The following CD247 variants were observed in gnomAD, a reference collection of about 807,000 sequenced individuals.
CD247 encodes the protein CD247 molecule.
A neutral mutation model predicts 30.0 loss-of-function variants in CD247; 13 were observed. The observed-to-expected ratio is 0.43, with a 90% confidence interval of 0.28 to 0.69. CD247 has a LOEUF of 0.69. CD247 is among the 30% of genes least tolerant of loss of function. The pLI is 0.16. For synonymous variants in CD247, 72 were observed against 80.0 expected, an observed-to-expected ratio of 0.90 and a Z score of 0.53; for missense variants, 193 against 212.6, an observed-to-expected ratio of 0.91 and a Z score of 0.57.
Position 167,438,746 on chromosome 1 carries a change from G to T in CD247, c.220-96C>A. On this transcript the variant is annotated intron_variant, in intron 3 of 7. Coordinates refer to ENST00000362089, the MANE Select transcript of CD247 (RefSeq NM_198053.3). ...GAGTGTGGTTTCCCTCTCTGGGGTGGCTCATAAAAAGAGGGGCAGGGGCTG... is the reference window on the plus strand; with the variant it reads ...GAGTGTGGTTTCCCTCTCTGGGGTGTCTCATAAAAAGAGGGGCAGGGGCTG... The T allele has an allele frequency of 1.3e-5, 13 of 987,898 alleles. No homozygotes were observed. In the South Asian group the frequency reaches 1.5e-4, roughly 12 times the overall value. The allele number at this position is 987,898 out of a possible 1,614,324, so 61.2% of individuals were successfully genotyped here.
chr1:167,472,065 C>T (rs1483503341), intron 1 of CD247, among the ~76,000 whole-genome samples: 3 of 151,984 alleles, frequency 2.0e-5, no homozygotes, highest in Admixed American at 1.3e-4. Flanking sequence ...AACTCCTGAC[C>T]TCAGGTGATC....
intron 7 of CD247, among the ~76,000 whole-genome samples, chr1:167,432,217 G>A (rs1328810251): frequency 6.6e-6 from 1 of 152,216 alleles, no homozygotes; most frequent in East Asian, 1.9e-4. Context: ...AGCCCTCTGT[G>A]AGCCTCCTTC....
chr1:167,487,168 G>A (rs1182615041), intron 1 of CD247, among the ~76,000 whole-genome samples: 5 of 146,772 alleles, frequency 3.4e-5, no homozygotes, highest in Admixed American at 2.7e-4. Flanking sequence ...CACGGGGTCA[G>A]GAGTTCAAGA....
chr1:167,441,639 A>G (rs574028709), intron 1 of CD247, among the ~76,000 whole-genome samples: 2 of 152,350 alleles, frequency 1.3e-5, no homozygotes, highest in South Asian at 4.1e-4. Context: ...TACAAAATGC[A>G]GCTCAAAGAT....
chr1:167,431,840 GC>G, intron 7 of CD247, 94 bp from the exon 8 acceptor site: 1 of 1,066,094 alleles, frequency 9.4e-7, no homozygotes, highest in Non-Finnish European at 1.5e-6. Flanking sequence ...CTGCAGCACA[GC>G]CCTGTGACCA....
intron 1 of CD247, among the ~76,000 whole-genome samples, chr1:167,506,341 T>TCCCTC (rs369287897): frequency 6.8e-6 from 1 of 148,004 alleles, no homozygotes; most frequent in Non-Finnish European, 1.5e-5. Flanking sequence ...CTTTCTCCTC[T>TCCCTC]CCCTCCCCTC....
chr1:167,438,046 G>GGAAGGAAT (rs1273483521), intron 4 of CD247, among the ~76,000 whole-genome samples: 4 of 151,734 alleles, frequency 2.6e-5, no homozygotes, highest in Admixed American at 2.0e-4. Context: ...AAGGAAGGAA[G>GGAAGGAAT]GAAGGAAATC....
chr1:167,431,369 G>A lies in CD247; in HGVS notation c.*312C>T. 1 of 599,096 alleles carries A rather than the reference G, an allele frequency of 1.7e-6. No individual in the cohort carries two copies. The highest frequency in any genetic ancestry group is 3.0e-6 in the Non-Finnish European group (1 of 337,752). The allele number at this position is 599,096 out of a possible 1,614,324, so 37.1% of individuals were successfully genotyped here. A position where few individuals can be genotyped will look rare whatever the true frequency, so the allele number is the denominator to read the frequency against. Reference sequence around the variant, plus strand: ...TTTACAAAACAGACTCAACAACTCAGCTGTGAGAGGCAGTGCGCCCGCCTC... The same window carrying A: ...TTTACAAAACAGACTCAACAACTCAACTGTGAGAGGCAGTGCGCCCGCCTC... On this transcript the variant is annotated 3_prime_UTR_variant, in exon 8 of 8. Coordinates refer to ENST00000362089, the MANE Select transcript of CD247 (RefSeq NM_198053.3).
intron 1 of CD247, among the ~76,000 whole-genome samples, chr1:167,449,677 C>T (rs1042847758): frequency 5.9e-5 from 9 of 152,074 alleles, no homozygotes; most frequent in South Asian, 2.1e-4. Flanking sequence ...AATCCCAGTA[C>T]GTTGGGAGGC....
chr1:167,487,190 A>G (rs1321446924), intron 1 of CD247, among the ~76,000 whole-genome samples: 1 of 151,118 alleles, frequency 6.6e-6, no homozygotes, highest in Non-Finnish European at 1.5e-5. Context: ...CAGCCTGGCC[A>G]AGATGGTGCA....
intron 5 of CD247, 29 bp from the exon 6 acceptor site, chr1:167,434,105 T>G: frequency 6.2e-7 from 1 of 1,605,430 alleles, no homozygotes; most frequent in African/African-American, 1.3e-5. Context: ...AACACTGATT[T>G]TTACCAACTA....
intron 1 of CD247, among the ~76,000 whole-genome samples, 176 bp downstream of exon 1, chr1:167,518,232 G>A (rs1346823234): frequency 6.6e-6 from 1 of 152,072 alleles, no homozygotes; most frequent in East Asian, 1.9e-4. Flanking sequence ...CGGCTGTGAC[G>A]GAGCAGATGC....
intron 1 of CD247, among the ~76,000 whole-genome samples, chr1:167,504,747 A>T (rs1655046468): frequency 6.6e-6 from 1 of 152,216 alleles, no homozygotes; most frequent in South Asian, 2.1e-4. Context: ...ACGCTAGGGC[A>T]GTGGGGCAGT....
chr1:167,489,111 G>A (rs927449963), intron 1 of CD247, among the ~76,000 whole-genome samples: 60 of 152,242 alleles, frequency 3.9e-4, no homozygotes, highest in African/African-American at 1.4e-3. Flanking sequence ...ATAAAAATCC[G>A]GGGCAGGAAT....
chr1:167,482,756 C>A (rs1224327265), intron 1 of CD247, among the ~76,000 whole-genome samples: 1 of 152,182 alleles, frequency 6.6e-6, no homozygotes, highest in Non-Finnish European at 1.5e-5. Flanking sequence ...GGGAGAGAGG[C>A]CTTGGGCTGC....
intron 1 of CD247, among the ~76,000 whole-genome samples, chr1:167,447,663 G>A (rs1377274857): frequency 1.3e-5 from 2 of 152,124 alleles, no homozygotes; most frequent in Non-Finnish European, 2.9e-5. Flanking sequence ...TAATCACTGA[G>A]TAATCACAGC....
At chr1:167,492,329 G>T (rs59630893) in intron 1 of CD247, among the ~76,000 whole-genome samples, 6,281 of 152,190 alleles carry the variant, frequency 0.041, 151 homozygotes, top group Middle Eastern at 0.078. Context: ...CTGTTTCACC[G>T]ACAGAAAGGC....
chr1:167,453,771 A>G (rs1652488148), intron 1 of CD247, among the ~76,000 whole-genome samples: 1 of 152,174 alleles, frequency 6.6e-6, no homozygotes, highest in South Asian at 2.1e-4. Flanking sequence ...AGTTTGAGAC[A>G]TAGCAAGACC....
intron 1 of CD247, among the ~76,000 whole-genome samples, chr1:167,509,677 G>A (rs1395701755): frequency 1.3e-5 from 2 of 152,136 alleles, no homozygotes; most frequent in East Asian, 3.9e-4. Context: ...AACTATTTCT[G>A]TTGGGTTTTT....
Sources: gnomAD v4.1 joint callset for allele counts (sites outside exome capture counted in the v4.1 genomes callset) on GRCh38, gnomAD v4.1.1 for gene constraint, MANE v1.5 for transcripts, NCBI Gene and HGNC (gene_info 2026-07-23, HGNC 2026-07-21) for gene names.